The following CUX1 variants were observed in gnomAD, a reference collection of about 807,000 sequenced individuals.
The protein encoded by CUX1 is protein CASP.
In CUX1, 31 loss-of-function variants were observed where a neutral mutation model predicts 158.8. That is an observed-to-expected ratio of 0.20 (90% CI 0.15 to 0.26). The LOEUF is 0.26. Among genes scored for constraint, CUX1 ranks in the 10% least tolerant of loss-of-function variants. CUX1 has a pLI of 1.00. For synonymous variants in CUX1, 879 were observed against 862.1 expected (o/e 1.02, Z -0.34); for missense variants, 1,589 against 2,014.6 (o/e 0.79, Z 4.04).
chr7:101,904,149 C>CAT lies in CUX1; in HGVS notation c.31-11965_31-11964dup, dbSNP rs773661947. On this transcript the variant is annotated intron_variant, in intron 1 of 23. Transcript: ENST00000292535. ...ACACACACACACACACACACACACA[C>CAT]ATTAGCTGGACATGGTGGCACGCGC... 3.7e-4 allele frequency among the ~76,000 whole-genome samples: 56 copies of CAT among 151,390 alleles called. 1 individual carries two copies. Among genetic ancestry groups the CAT allele is most frequent in the Admixed American group, 7.2e-4 (11 of 15,182 alleles).
At chr7:102,126,929 C>G (rs1554495452) in intron 8 of CUX1, among the ~76,000 whole-genome samples, 1 of 152,230 alleles carries the variant, frequency 6.6e-6, no homozygotes, top group East Asian at 1.9e-4. Flanking sequence ...GAGACAGTGA[C>G]AGATCATCAG....
At chr7:101,941,017 T>C (rs1807639868) in intron 2 of CUX1, among the ~76,000 whole-genome samples, 1 of 152,220 alleles carries the variant, frequency 6.6e-6, no homozygotes, top group African/African-American at 2.4e-5. Context: ...TTGCATACTG[T>C]AAATTTGCAA....
intron 2 of CUX1, among the ~76,000 whole-genome samples, chr7:101,929,572 A>C (rs1196348788): frequency 6.6e-6 from 1 of 152,226 alleles, no homozygotes; most frequent in Non-Finnish European, 1.5e-5. Flanking sequence ...TGTAACGGCT[A>C]AATGTGAAAG....
In CUX1 at chr7:102,202,266, A is replaced by G. The variant is rs1455242731; in HGVS notation, c.2907+62A>G. ...CTCTTCTCCTTGCTGAGGACCAAGT[A>G]TCTATCCCGCAGCCTGTGACCCTCA... is the stretch of plus-strand genomic sequence containing the variant. On this transcript the variant is annotated intron_variant, in intron 18 of 23. Transcript: ENST00000292535. 1.2e-5 allele frequency: 18 copies of G among 1,535,790 alleles called. No individual in the cohort carries two copies. The South Asian group carries it at 1.9e-4, about 16-fold the overall frequency.
chr7:101,843,085 C>T (rs1795338114), intron 1 of CUX1, among the ~76,000 whole-genome samples: 1 of 151,624 alleles, frequency 6.6e-6, no homozygotes, highest in South Asian at 2.1e-4. Flanking sequence ...CCAGGATGGT[C>T]TCGATCTCCT....
At chr7:101,862,199 T>C in intron 1 of CUX1, among the ~76,000 whole-genome samples, 1 of 152,166 alleles carries the variant, frequency 6.6e-6, no homozygotes, top group South Asian at 2.1e-4. Flanking sequence ...ATTGATGATA[T>C]CTATTGACAT....
chr7:102,213,723 T>G (rs181531539), intron 20 of CUX1, among the ~76,000 whole-genome samples: 8 of 152,320 alleles, frequency 5.3e-5, no homozygotes, highest in Admixed American at 5.2e-4. Context: ...ATGAAGAAGC[T>G]TAAATGCCTA....
chr7:101,946,911 G>A (rs1168234296), intron 2 of CUX1, among the ~76,000 whole-genome samples: 2 of 152,154 alleles, frequency 1.3e-5, no homozygotes, highest in Non-Finnish European at 1.5e-5. Flanking sequence ...CCCTGAACCA[G>A]TCTCTCCGTG....
At chr7:101,820,302 G>C (rs142582650) in intron 1 of CUX1, among the ~76,000 whole-genome samples, 61 of 152,294 alleles carry the variant, frequency 4.0e-4, no homozygotes, top group African/African-American at 1.4e-3. Flanking sequence ...CATACATTTC[G>C]TAAGCAGAGA....
intron 14 of CUX1, 72 bp from the exon 15 acceptor site, chr7:102,196,562 G>A (rs1252721916): frequency 1.5e-6 from 2 of 1,371,286 alleles, no homozygotes; most frequent in South Asian, 2.0e-5. Context: ...GCAAACTTTT[G>A]CATTTTGGTC....
intron 3 of CUX1, among the ~76,000 whole-genome samples, chr7:102,043,133 T>C (rs1822314709): frequency 6.6e-6 from 1 of 152,130 alleles, no homozygotes; most frequent in Non-Finnish European, 1.5e-5. Context: ...TTATTTTTTG[T>C]AGAGACGAGG....
At chr7:102,086,641 G>A (rs955250387) in intron 4 of CUX1, among the ~76,000 whole-genome samples, 4 of 151,184 alleles carry the variant, frequency 2.6e-5, no homozygotes, top group Non-Finnish European at 5.9e-5. Flanking sequence ...ACAGAGTCTC[G>A]CTCTGTCGCC....
chr7:101,946,404 C>T (rs1263511798), intron 2 of CUX1, among the ~76,000 whole-genome samples: 1 of 151,992 alleles, frequency 6.6e-6, no homozygotes, highest in Admixed American at 6.6e-5. Flanking sequence ...ATTAGCCCAG[C>T]GTGGTGGTGT....
intron 1 of CUX1, among the ~76,000 whole-genome samples, chr7:101,885,893 C>G (rs535867626): frequency 1.3e-4 from 20 of 152,312 alleles, no homozygotes; most frequent in Non-Finnish European, 2.2e-4. Context: ...GGTCTCTCCC[C>G]ACAAGCTCAC....
At chr7:101,893,309 G>A (rs1801102442) in intron 1 of CUX1, among the ~76,000 whole-genome samples, 2 of 151,420 alleles carry the variant, frequency 1.3e-5, no homozygotes, top group South Asian at 4.2e-4. Flanking sequence ...CGCCTGGCAA[G>A]TTTGTTTTAC....
At chr7:102,261,504 AAAAT>A (rs1415163464), downstream of CUX1, among the ~76,000 whole-genome samples, 2 of 152,098 alleles carry the variant, frequency 1.3e-5, no homozygotes, top group African/African-American at 4.8e-5. Context: ...AAAAAAATAA[AAAAT>A]AAATAATACC....
chr7:101,861,020 C>T (rs190606276), intron 1 of CUX1, among the ~76,000 whole-genome samples: 12 of 152,192 alleles, frequency 7.9e-5, no homozygotes, highest in East Asian at 3.9e-4. Context: ...TGGCCTCAAG[C>T]GATCCTCTTG....
chr7:102,148,726 T>C (rs1478949586), intron 8 of CUX1, among the ~76,000 whole-genome samples: 1 of 148,568 alleles, frequency 6.7e-6, no homozygotes, highest in Non-Finnish European at 1.5e-5. Context: ...ATATATATTA[T>C]ATATTACTCA....
intron 3 of CUX1, among the ~76,000 whole-genome samples, chr7:102,055,770 A>G (rs1021039413): frequency 2.6e-5 from 4 of 152,268 alleles, no homozygotes; most frequent in African/African-American, 9.6e-5. Context: ...GATTAAGCTC[A>G]GTGAGAAAGG....
Sources: allele counts gnomAD v4.1 joint callset (sites outside exome capture counted in the v4.1 genomes callset), GRCh38; gene constraint gnomAD v4.1.1; transcripts MANE v1.5; gene names NCBI Gene and HGNC (gene_info 2026-07-23, HGNC 2026-07-21).